KCMF1: variants seen among roughly 807,000 people sequenced by gnomAD.
KCMF1 encodes the protein potassium channel modulatory factor 1, also known as E3 ubiquitin-protein ligase KCMF1.
Under a neutral mutation model 41.1 loss-of-function variants are expected in KCMF1, and 3 were observed. The observed-to-expected ratio is 0.07, with a 90% CI of 0.03 to 0.19. The LOEUF (loss-of-function observed/expected upper bound fraction) is 0.19, where lower values mean the gene tolerates loss of function less well. Among genes scored for constraint, KCMF1 ranks in the 10% least tolerant of loss-of-function variants. The pLI, the probability that KCMF1 is intolerant of heterozygous loss-of-function variation, is 1.00. For missense variants in KCMF1, 286 were observed against 488.9 expected (o/e 0.58, Z 3.91); for synonymous variants, 142 against 164.5 (o/e 0.86, Z 1.04).
Position 85,049,664 on chromosome 2 carries a change from A to G in KCMF1, c.884+16A>G, listed in dbSNP as rs200409567. On this transcript the variant is annotated intron_variant, in intron 6 of 6. Coordinates refer to ENST00000409785, the MANE Select transcript of KCMF1 (RefSeq NM_020122.5). ...TTTTAACAAGGTAGCTCATTTGTTA[A>G]TAGAATTTTGTTTGGGAAGTAATAT... 68 of 1,595,330 alleles carry G rather than the reference A, an allele frequency of 4.3e-5. No homozygotes were observed. In the East Asian group the frequency reaches 7.0e-4, roughly 16 times the overall value.
intron 1 of KCMF1, chr2:84,972,158 C>T (rs1349195669): frequency 1.3e-5 from 2 of 152,220 alleles, no homozygotes; most frequent in Non-Finnish European, 2.9e-5. Context: ...GTCACCCAGG[C>T]GGAGCAGGGC....
chr2:84,973,825 C>CTTTTTTTTTTTTTTT (rs1238178193), intron 1 of KCMF1, among the ~76,000 whole-genome samples: 2 of 110,278 alleles, frequency 1.8e-5, no homozygotes, highest in Non-Finnish European at 3.8e-5. Context: ...TTATTTCTTT[C>CTTTTTTTTTTTTTTT]TTTTTTTTTT....
chr2:85,027,482 C>T (rs1675137849), intron 1 of KCMF1, among the ~76,000 whole-genome samples: 1 of 141,970 alleles, frequency 7.0e-6, no homozygotes, highest in Non-Finnish European at 1.5e-5. Flanking sequence ...TTAAGCAATT[C>T]TCATGCCTCA....
chr2:85,035,516 G>A (rs776637026), intron 3 of KCMF1, among the ~76,000 whole-genome samples: 17 of 152,162 alleles, frequency 1.1e-4, no homozygotes, highest in Non-Finnish European at 2.2e-4. Context: ...TCTTCTACAA[G>A]GAACTTCACA....
chr2:84,980,798 G>A (rs113138507), intron 1 of KCMF1, among the ~76,000 whole-genome samples: 2,484 of 151,780 alleles, frequency 0.016, 57 homozygotes, highest in African/African-American at 0.056. Flanking sequence ...GTGCTACCAC[G>A]CCTGAATAAT....
chr2:84,998,088 C>T (rs1674219831), intron 1 of KCMF1, among the ~76,000 whole-genome samples: 2 of 151,028 alleles, frequency 1.3e-5, no homozygotes, highest in Non-Finnish European at 2.9e-5. Flanking sequence ...GTACATTTTA[C>T]TTATTTATTT....
chr2:85,026,492 A>ATTATTTTTATTT (rs1553381470), intron 1 of KCMF1, among the ~76,000 whole-genome samples: 72 of 143,142 alleles, frequency 5.0e-4, no homozygotes, highest in African/African-American at 1.7e-3. Context: ...TATTATTATT[A>ATTATTTTTATTT]TTATTTTTAT....
intron 1 of KCMF1, among the ~76,000 whole-genome samples, chr2:85,017,267 C>G (rs1674798296): frequency 2.0e-5 from 3 of 151,786 alleles, no homozygotes; most frequent in Admixed American, 2.0e-4. Flanking sequence ...ACCTCATGAT[C>G]CACCCGCTTC....
intron 1 of KCMF1, among the ~76,000 whole-genome samples, chr2:84,975,937 C>T (rs1160512451): frequency 6.6e-6 from 1 of 152,176 alleles, no homozygotes; most frequent in African/African-American, 2.4e-5. Context: ...TTAAATCATT[C>T]AACCTTTCAG....
At position 85,008,405 on chromosome 2, in the gene KCMF1, CATATT is replaced by C. The variant is rs753083786; in HGVS notation, c.17-19479_17-19475del. Among the ~76,000 whole-genome samples, 7 of 87,054 alleles carry C rather than the reference CATATT, an allele frequency of 8.0e-5. No individual in the cohort carries two copies. In the East Asian group the frequency reaches 1.5e-3, roughly 19 times the overall value. The allele number at this position is 87,054 out of a possible 152,430, so 57.1% of individuals were successfully genotyped here. On this transcript the variant is annotated intron_variant, in intron 1 of 6. Transcript: ENST00000409785. ...ATTATATATGATATATATTATATATCATATTATATATTATGTGATATATATGATAT... is the reference window on the plus strand; with the variant it reads ...ATTATATATGATATATATTATATATCATATATTATGTGATATATATGATAT...
intron 3 of KCMF1, among the ~76,000 whole-genome samples, chr2:85,037,984 A>G (rs1296947233): frequency 1.3e-5 from 2 of 152,352 alleles, no homozygotes; most frequent in East Asian, 3.9e-4. Context: ...TTTTCAGTGT[A>G]GCTAAATTAT....
intron 1 of KCMF1, among the ~76,000 whole-genome samples, chr2:85,008,270 A>C (rs546617569): frequency 4.3e-4 from 44 of 101,384 alleles, no homozygotes; most frequent in African/African-American, 1.0e-3. Flanking sequence ...TATCATATAT[A>C]ATATATAATA....
chr2:85,029,316 T>TA (rs1429378329), intron 2 of KCMF1, among the ~76,000 whole-genome samples: 1 of 152,064 alleles, frequency 6.6e-6, no homozygotes, highest in Non-Finnish European at 1.5e-5. Flanking sequence ...TTATGGTGGC[T>TA]AACGCCTGTA....
intron 2 of KCMF1, among the ~76,000 whole-genome samples, chr2:85,030,843 G>C (rs1053817856): frequency 2.0e-5 from 3 of 152,098 alleles, no homozygotes; most frequent in Admixed American, 6.5e-5. Context: ...ATCACAGGTG[G>C]AAGCCACCAC....
At chr2:85,008,417 TATG>T (rs1361846971) in intron 1 of KCMF1, among the ~76,000 whole-genome samples, 1 of 67,986 alleles carries the variant, frequency 1.5e-5, no homozygotes, top group African/African-American at 4.5e-5. Context: ...TATTATATAT[TATG>T]TGATATATAT....
chr2:85,000,921 G>C (rs112744758), intron 1 of KCMF1, among the ~76,000 whole-genome samples: 6 of 151,476 alleles, frequency 4.0e-5, no homozygotes, highest in Non-Finnish European at 5.9e-5. Context: ...TAGGGCTACA[G>C]ATAAGTGCCG....
At chr2:85,018,390 C>A (rs1222070843) in intron 1 of KCMF1, among the ~76,000 whole-genome samples, 1 of 151,866 alleles carries the variant, frequency 6.6e-6, no homozygotes, top group Non-Finnish European at 1.5e-5. Flanking sequence ...TTTCCTCAGC[C>A]TCCCGAGTAC....
At chr2:84,990,939 T>C (rs1448850186) in intron 1 of KCMF1, among the ~76,000 whole-genome samples, 1 of 152,030 alleles carries the variant, frequency 6.6e-6, no homozygotes, top group Admixed American at 6.6e-5. Flanking sequence ...CAAAACCCAG[T>C]GGATGGTTTT....
chr2:84,979,037 G>A (rs13019069), intron 1 of KCMF1, among the ~76,000 whole-genome samples: 36,831 of 151,608 alleles, frequency 0.24, 5,343 homozygotes, highest in Non-Finnish European at 0.33. Context: ...TAGTAGAGAT[G>A]GGATTTCACC....
Sources: gnomAD v4.1 joint callset for allele counts (sites outside exome capture counted in the v4.1 genomes callset) on GRCh38, gnomAD v4.1.1 for gene constraint, MANE v1.5 for transcripts, NCBI Gene and HGNC (gene_info 2026-07-23, HGNC 2026-07-21) for gene names.